The following TRMT11 variants were observed in gnomAD, a reference collection of about 807,000 sequenced individuals.
TRMT11 encodes tRNA (guanine(10)-N(2))-methyltransferase TRMT11.
In TRMT11, 53 loss-of-function variants were observed where a neutral mutation model predicts 62.8. The observed-to-expected ratio is 0.84, with a 90% CI of 0.68 to 1.06. TRMT11 has a LOEUF of 1.06. Among genes scored for constraint, TRMT11 ranks in the 50% least tolerant of loss-of-function variants. The probability of loss-of-function intolerance (pLI) is 0.00; values close to 1 mark genes in which losing one functional copy is unlikely to be tolerated. For missense variants in TRMT11, 556 were observed against 553.4 expected (o/e 1.00, Z -0.05); for synonymous variants, 188 against 190.3 (o/e 0.99, Z 0.10).
downstream of TRMT11, among the ~76,000 whole-genome samples, chr6:126,040,323 A>G (rs1382342050): frequency 6.6e-6 from 1 of 152,132 alleles, no homozygotes; most frequent in African/African-American, 2.4e-5. Context: ...CTTCTAAACT[A>G]TGATTCCTAT....
chr6:126,039,882 A>G (rs1332021920), downstream of TRMT11, among the ~76,000 whole-genome samples: 1 of 151,992 alleles, frequency 6.6e-6, no homozygotes, highest in Non-Finnish European at 1.5e-5. Context: ...AGGACCTCTA[A>G]AAGTATAGTG....
chr6:126,242,220 C>T, the TRMT11 span, among the ~76,000 whole-genome samples: 3 of 152,178 alleles, frequency 2.0e-5, no homozygotes. Flanking sequence ...AGGAATCCAA[C>T]TTACAAGGGA....
the TRMT11 span, among the ~76,000 whole-genome samples, chr6:126,227,878 G>A: frequency 2.0e-4 from 30 of 152,296 alleles, no homozygotes; most frequent in African/African-American, 6.3e-4. Context: ...AATGTGGAAT[G>A]TAAAGACAAC....
At chr6:126,256,076 T>C in the TRMT11 span, among the ~76,000 whole-genome samples, 2 of 152,202 alleles carry the variant, frequency 1.3e-5, no homozygotes, top group Admixed American at 6.5e-5. Context: ...AGGATCCATA[T>C]CAAAGGTTGC....
the TRMT11 span, among the ~76,000 whole-genome samples, chr6:126,251,511 TATACA>T: frequency 1.3e-5 from 2 of 152,202 alleles, no homozygotes; most frequent in Admixed American, 6.5e-5. Flanking sequence ...AATTTTGAAG[TATACA>T]ATACATTGTT....
At chr6:126,252,936 G>T in the TRMT11 span, among the ~76,000 whole-genome samples, 1 of 152,156 alleles carries the variant, frequency 6.6e-6, no homozygotes, top group Non-Finnish European at 1.5e-5. Context: ...AATTCCTCCT[G>T]TGTTCCAAGA....
intron 12 of TRMT11, among the ~76,000 whole-genome samples, chr6:126,036,542 A>C (rs953494689): frequency 2.0e-5 from 3 of 152,090 alleles, no homozygotes; most frequent in Admixed American, 6.6e-5. Flanking sequence ...AAATCTGAGA[A>C]GAGGGATTTG....
chr6:126,075,542 T>C (rs575104407), intron 17 of TRMT11, among the ~76,000 whole-genome samples: 121 of 152,180 alleles, frequency 8.0e-4, no homozygotes, highest in African/African-American at 2.8e-3. Context: ...CCCCTTTGCC[T>C]TCCTCCATGA....
At chr6:125,992,981 T>C (rs994251756) in intron 1 of TRMT11, among the ~76,000 whole-genome samples, 2 of 152,218 alleles carry the variant, frequency 1.3e-5, no homozygotes, top group African/African-American at 4.8e-5. Context: ...CTGGGTATAG[T>C]TTCCCTTTTG....
Position 125,998,150 on chromosome 6 carries a change from T to C in TRMT11, c.294+16T>C. On this transcript the variant is annotated intron_variant, in intron 4 of 12. Transcript: ENST00000334379. ...GGAGAAGATGGTGCGTAGTAAAATG[T>C]GGTTTTATATAGGCATGCGTGCAGA... The C allele has an allele frequency of 6.2e-7, 1 of 1,608,694 alleles. No individual in the cohort carries two copies. The highest frequency in any genetic ancestry group is 8.5e-7 in the Non-Finnish European group (1 of 1,175,116).
At chr6:126,241,326 C>A in the TRMT11 span, among the ~76,000 whole-genome samples, 1 of 152,178 alleles carries the variant, frequency 6.6e-6, no homozygotes, top group Non-Finnish European at 1.5e-5. Flanking sequence ...CCTATTCGGC[C>A]TTCTTGGAAC....
the TRMT11 span, among the ~76,000 whole-genome samples, chr6:126,261,435 T>C: frequency 6.6e-6 from 1 of 152,200 alleles, no homozygotes; most frequent in Admixed American, 6.5e-5. Flanking sequence ...TCCTTTTTTT[T>C]GGAGTCTGCT....
At chr6:126,209,368 A>C in the TRMT11 span, among the ~76,000 whole-genome samples, 1 of 152,150 alleles carries the variant, frequency 6.6e-6, no homozygotes, top group Non-Finnish European at 1.5e-5. Flanking sequence ...TAAACTTCTC[A>C]GGCCATATTA....
chr6:126,269,191 G>T, the TRMT11 span, among the ~76,000 whole-genome samples: 1 of 147,364 alleles, frequency 6.8e-6, no homozygotes, highest in South Asian at 2.1e-4. Context: ...GTGAACCCGG[G>T]AGGCGGAGCT....
intron 1 of TRMT11, among the ~76,000 whole-genome samples, chr6:126,192,138 C>CT (rs1464287838): frequency 6.6e-6 from 1 of 152,032 alleles, no homozygotes; most frequent in Non-Finnish European, 1.5e-5. Context: ...TGTTTTATAG[C>CT]TTTTCTTGAA....
intron 8 of TRMT11, among the ~76,000 whole-genome samples, chr6:126,009,873 G>A (rs1793925549): frequency 6.6e-6 from 1 of 151,944 alleles, no homozygotes; most frequent in African/African-American, 2.4e-5. Flanking sequence ...GGAAACTTAT[G>A]TTGTAACCTT....
chr6:126,002,907 G>T (rs1243427929), intron 7 of TRMT11, among the ~76,000 whole-genome samples: 1 of 152,050 alleles, frequency 6.6e-6, no homozygotes, highest in East Asian at 1.9e-4. Context: ...TACACAAAAG[G>T]TATCATACTG....
intron 1 of TRMT11, among the ~76,000 whole-genome samples, chr6:126,192,558 G>T (rs1437069536): frequency 6.6e-6 from 1 of 152,066 alleles, no homozygotes; most frequent in Non-Finnish European, 1.5e-5. Flanking sequence ...TCCCTTTTCA[G>T]TATGAGATTA....
At chr6:126,243,100 C>T in the TRMT11 span, among the ~76,000 whole-genome samples, 4 of 152,100 alleles carry the variant, frequency 2.6e-5, no homozygotes, top group African/African-American at 4.8e-5. Context: ...AAAAATCAAA[C>T]GACCCCATCA....
Sources: gnomAD v4.1 joint callset for allele counts (sites outside exome capture counted in the v4.1 genomes callset) on GRCh38, gnomAD v4.1.1 for gene constraint, MANE v1.5 for transcripts, NCBI Gene and HGNC (gene_info 2026-07-23, HGNC 2026-07-21) for gene names.